The following NEDD9 variants were observed in gnomAD, a reference collection of about 807,000 sequenced individuals.
NEDD9 encodes neural precursor cell expressed, developmentally down-regulated 9.
NEDD9 carries 26 observed loss-of-function variants against 76.6 expected under a neutral mutation model. The ratio of observed to expected loss-of-function variants is 0.34; its 90% CI spans 0.25 to 0.47. The LOEUF (loss-of-function observed/expected upper bound fraction) is 0.47, where lower values mean the gene tolerates loss of function less well. Ranked by LOEUF, NEDD9 falls within the 20% of genes least tolerant of loss-of-function variation. NEDD9 has a pLI of 1.00. For missense variants in NEDD9, 937 were observed against 1,058.5 expected, an observed-to-expected ratio of 0.89 and a Z score of 1.59; for synonymous variants, 392 against 414.2, an observed-to-expected ratio of 0.95 and a Z score of 0.65.
At chr6:11,214,702 C>T (rs1758895354) in intron 1 of NEDD9, among the ~76,000 whole-genome samples, 1 of 152,200 alleles carries the variant, frequency 6.6e-6, no homozygotes, top group Non-Finnish European at 1.5e-5. Flanking sequence ...TAAAGTTTCC[C>T]AGCACGCGGG....
intron 3 of NEDD9, chr6:11,305,198 A>C: frequency 1.7e-6 from 2 of 1,208,458 alleles, no homozygotes; most frequent in Non-Finnish European, 2.2e-6. Flanking sequence ...TCAATAGATA[A>C]GGGAATTTAC....
chr6:11,249,683 C>T (rs751636243), intron 3 of NEDD9, among the ~76,000 whole-genome samples: 6 of 152,132 alleles, frequency 3.9e-5, no homozygotes, highest in Non-Finnish European at 7.4e-5. Flanking sequence ...CAAGTACCTA[C>T]TAGGTAAATA....
In NEDD9 at chr6:11,188,274, G is replaced by T; in HGVS notation, c.1939C>A (p.Leu647Ile). Residue 647 changes from leucine to isoleucine, a missense_variant, in exon 6 of 7, where the codon CTA (leucine) becomes ATA (isoleucine). By Grantham distance (5) the Leu-to-Ile change is conservative. Coordinates refer to ENST00000379446, the MANE Select transcript of NEDD9 (RefSeq NM_006403.4). ...TTCATGATATTCTCTTTTTCCAATA[G>T]CTCTTTCTGTTGCCTCTCAAACTCC... Reference protein sequence around the residue: ...KEEFERQQKELLEKENIMKQN... With the variant: ...KEEFERQQKEILEKENIMKQN... 1 of 1,614,056 alleles carries T rather than the reference G, an allele frequency of 6.2e-7. No homozygotes were observed. Among genetic ancestry groups the T allele is most frequent in the African/African-American group, 1.3e-5 (1 of 74,998 alleles).
At chr6:11,256,823 T>C (rs1425196688) in intron 3 of NEDD9, among the ~76,000 whole-genome samples, 1 of 152,228 alleles carries the variant, frequency 6.6e-6, no homozygotes, top group African/African-American at 2.4e-5. Flanking sequence ...GTAGGCTGTT[T>C]GTATCAGTAG....
intron 1 of NEDD9, among the ~76,000 whole-genome samples, chr6:11,217,373 C>T (rs1758983948): frequency 1.3e-5 from 2 of 152,228 alleles, no homozygotes; most frequent in African/African-American, 4.8e-5. Flanking sequence ...GCAGTTTAAT[C>T]TACTCAAGAT....
At chr6:11,200,639 C>G in intron 2 of NEDD9, 2 of 1,132,052 alleles carry the variant, frequency 1.8e-6, no homozygotes, top group Non-Finnish European at 1.1e-6. Context: ...AAATTTAAGT[C>G]AGATAGAAAG....
intron 2 of NEDD9, among the ~76,000 whole-genome samples, chr6:11,315,982 T>C (rs1761543874): frequency 6.6e-6 from 1 of 152,200 alleles, no homozygotes; most frequent in African/African-American, 2.4e-5. Context: ...TTAAACCCTT[T>C]TGAGCTTAGG....
intron 1 of NEDD9, among the ~76,000 whole-genome samples, chr6:11,342,119 G>A (rs1762285119): frequency 6.6e-6 from 1 of 151,920 alleles, no homozygotes; most frequent in Admixed American, 6.6e-5. Context: ...TGGAGACACA[G>A]CAGTAGAAAA....
At chr6:11,312,554 G>A (rs1761403024) in intron 2 of NEDD9, among the ~76,000 whole-genome samples, 1 of 152,000 alleles carries the variant, frequency 6.6e-6, no homozygotes, top group Admixed American at 6.6e-5. Context: ...CAGAGCTGAT[G>A]TCTCTAAAAT....
At chr6:11,246,864 C>T (rs543860618) in intron 3 of NEDD9, among the ~76,000 whole-genome samples, 3 of 152,290 alleles carry the variant, frequency 2.0e-5, no homozygotes, top group East Asian at 3.9e-4. Flanking sequence ...CCTCCAGTTA[C>T]GTGACTTAGG....
chr6:11,312,284 C>T (rs1228038834), intron 2 of NEDD9, among the ~76,000 whole-genome samples: 1 of 152,182 alleles, frequency 6.6e-6, no homozygotes, highest in African/African-American at 2.4e-5. Flanking sequence ...CCACCACCCA[C>T]ACTAGATGCT....
chr6:11,266,899 G>T (rs964563214), intron 3 of NEDD9, among the ~76,000 whole-genome samples: 14 of 152,188 alleles, frequency 9.2e-5, no homozygotes, highest in African/African-American at 3.4e-4. Context: ...TCATCTTGGT[G>T]TGTGTGTAGG....
At position 11,187,878 on chromosome 6, in the gene NEDD9, C is replaced by T. The variant is rs1581940426; in HGVS notation, c.1995+340G>A. ...ATCTTCACTTTCTGTTACTGAATTC[C>T]CCTACTGTGGCTTTACTATAAACCT... On this transcript the variant is annotated intron_variant, in intron 6 of 6. Transcript: ENST00000379446. Among the ~76,000 whole-genome samples, 4 of 152,282 alleles carry T rather than the reference C, an allele frequency of 2.6e-5. No homozygotes were observed. In the South Asian group the frequency reaches 8.3e-4, roughly 32 times the overall value.
chr6:11,286,490 A>G (rs1418553322), intron 3 of NEDD9, among the ~76,000 whole-genome samples: 1 of 152,242 alleles, frequency 6.6e-6, no homozygotes, highest in East Asian at 1.9e-4. Context: ...GAGAAAAGAA[A>G]GCCTATGCCA....
chr6:11,317,920 G>A (rs896411515), intron 2 of NEDD9, among the ~76,000 whole-genome samples: 8 of 152,186 alleles, frequency 5.3e-5, no homozygotes, highest in African/African-American at 1.7e-4. Flanking sequence ...TGGCCCTCCC[G>A]ATGCAGGTGG....
In NEDD9 at chr6:11,364,848, C is replaced by T. The variant is rs113294450; in HGVS notation, c.-214+17291G>A. Among the ~76,000 whole-genome samples the T allele has an allele frequency of 1.8e-3, 281 of 152,240 alleles. 1 individual carries two copies. Among genetic ancestry groups the T allele is most frequent in the Non-Finnish European group, 3.1e-3 (212 of 68,034 alleles). ...AGAGGGAGAGAAATAGAATGGATGTCATGCTATTTTTTTAAACAATAATAA... is the reference window on the plus strand; with the variant it reads ...AGAGGGAGAGAAATAGAATGGATGTTATGCTATTTTTTTAAACAATAATAA... On this transcript the variant is annotated intron_variant, in intron 1 of 3. Transcript: ENST00000397378.
chr6:11,269,948 G>A (rs1760270106), intron 3 of NEDD9, among the ~76,000 whole-genome samples: 1 of 152,196 alleles, frequency 6.6e-6, no homozygotes, highest in Non-Finnish European at 1.5e-5. Flanking sequence ...CCAACATGGA[G>A]AAACCCTGAC....
intron 3 of NEDD9, among the ~76,000 whole-genome samples, chr6:11,264,198 T>A (rs542095083): frequency 6.6e-6 from 1 of 152,326 alleles, no homozygotes; most frequent in African/African-American, 2.4e-5. Flanking sequence ...AAATGCAGAT[T>A]GAGCCCAGGG....
At chr6:11,377,204 C>T (rs1762982112) in intron 1 of NEDD9, among the ~76,000 whole-genome samples, 1 of 152,222 alleles carries the variant, frequency 6.6e-6, no homozygotes, top group Non-Finnish European at 1.5e-5. Context: ...GGAGCTCCTA[C>T]ACAGAGTCCC....
Sources: allele counts gnomAD v4.1 joint callset (sites outside exome capture counted in the v4.1 genomes callset), GRCh38; gene constraint gnomAD v4.1.1; transcripts MANE v1.5; gene names NCBI Gene and HGNC (gene_info 2026-07-23, HGNC 2026-07-21).